The following KAT6A variants were observed in gnomAD, a reference collection of about 807,000 sequenced individuals.
The protein encoded by KAT6A is lysine acetyltransferase 6A.
KAT6A carries 9 observed loss-of-function variants against 198.4 expected under a neutral mutation model. The observed-to-expected ratio is 0.05, with a 90% CI of 0.03 to 0.08. KAT6A has a LOEUF of 0.08. Among genes scored for constraint, KAT6A ranks in the 10% least tolerant of loss-of-function variants. The probability of loss-of-function intolerance (pLI) is 1.00; values close to 1 mark genes in which losing one functional copy is unlikely to be tolerated. For synonymous variants in KAT6A, 890 were observed against 883.0 expected (o/e 1.01, Z -0.14); for missense variants, 2,077 against 2,509.9 (o/e 0.83, Z 3.69).
intron 15 of KAT6A, among the ~76,000 whole-genome samples, chr8:41,939,357 T>C (rs1270047384): frequency 6.6e-6 from 1 of 152,240 alleles, no homozygotes; most frequent in East Asian, 1.9e-4. Flanking sequence ...AATACCCTTA[T>C]ATTTGATACT....
chr8:41,957,020 T>G lies in KAT6A; in HGVS notation c.1483-1609A>C, dbSNP rs947845921. On this transcript the variant is annotated intron_variant, in intron 8 of 16. Transcript: ENST00000265713. ...CTAACTTCCTGAGGCAAGGATCAGATAGAAAGCCCAAAAGCTGAAGTCATG... is the reference window on the plus strand; with the variant it reads ...CTAACTTCCTGAGGCAAGGATCAGAGAGAAAGCCCAAAAGCTGAAGTCATG... 5 of 554,160 alleles carry G rather than the reference T, an allele frequency of 9.0e-6. No individual in the cohort carries two copies. The African/African-American group carries it at 9.4e-5, about 10-fold the overall frequency. 34.3% of individuals were successfully genotyped at this position (554,160 alleles called of 1,614,324 possible).
chr8:41,969,858 G>A lies in KAT6A; in HGVS notation c.1482+4846C>T, dbSNP rs528511716. Among the ~76,000 whole-genome samples, 6 of 152,100 alleles carry A rather than the reference G, an allele frequency of 3.9e-5. No homozygotes were observed. In the South Asian group the frequency reaches 6.2e-4, roughly 16 times the overall value. On this transcript the variant is annotated intron_variant, in intron 8 of 16. Coordinates refer to ENST00000265713, the MANE Select transcript of KAT6A (RefSeq NM_006766.5). ...ATCAACCTCTTTCACACCCTTAGAC[G>A]TTTACATAGGCAATCCACTTGTCTC...
At chr8:41,951,181 A>C (rs1039344104) in intron 9 of KAT6A, among the ~76,000 whole-genome samples, 3 of 152,064 alleles carry the variant, frequency 2.0e-5, no homozygotes, top group African/African-American at 2.4e-5. Flanking sequence ...AAAAAAAAAA[A>C]AACAAAACTT....
At chr8:41,998,644 C>A (rs1457274743) in intron 2 of KAT6A, among the ~76,000 whole-genome samples, 1 of 152,070 alleles carries the variant, frequency 6.6e-6, no homozygotes, top group Non-Finnish European at 1.5e-5. Flanking sequence ...TGCAATGAAA[C>A]CATGCTTAGC....
intron 9 of KAT6A, among the ~76,000 whole-genome samples, chr8:41,953,300 G>A (rs931438029): frequency 5.9e-5 from 9 of 152,144 alleles, no homozygotes; most frequent in Admixed American, 2.0e-4. Context: ...CAAGGGGCCT[G>A]TGGTTTCCAT....
At chr8:42,044,883 ATTCTT>A (rs1297881389) in intron 2 of KAT6A, among the ~76,000 whole-genome samples, 1 of 152,226 alleles carries the variant, frequency 6.6e-6, no homozygotes, top group Admixed American at 6.5e-5. Flanking sequence ...ACTCTGGATA[ATTCTT>A]TTCTTTTTTT....
At position 42,048,664 on chromosome 8, in the gene KAT6A, C is replaced by A. The variant is rs764240239; in HGVS notation, c.314G>T (p.Arg105Leu). 1 of 1,614,070 alleles carries A rather than the reference C, an allele frequency of 6.2e-7. No individual in the cohort carries two copies. The highest frequency in any genetic ancestry group is 1.7e-5 in the Admixed American group (1 of 60,010). ...QNVDWNKLIK[R>L]AVEGLAESGG... ...AGACTCTGCCAAGCCCTCAACTGCC[C>A]GCTTTATCAGTTTATTCCAATCCAC... The change falls in exon 2 of 17, where the codon CGG becomes CTG. Residue 105 changes from arginine (R) to leucine (L), a missense_variant. Physicochemically the swap from Arg to Leu is moderately radical, Grantham distance 102. Around this residue, in one of 13 missense-constraint regions of KAT6A, gnomAD observed 185 missense variants for 185.7 expected, o/e 1.00. Transcript: ENST00000265713.
chr8:42,007,381 C>G (rs915083881), intron 2 of KAT6A, among the ~76,000 whole-genome samples: 3 of 152,136 alleles, frequency 2.0e-5, no homozygotes, highest in East Asian at 1.9e-4. Context: ...ATGACTAGCT[C>G]TAAAGTCTCT....
chr8:41,942,027 T>TA (rs1822165183), intron 14 of KAT6A: 2 of 183,154 alleles, frequency 1.1e-5, no homozygotes, highest in Non-Finnish European at 2.3e-5. Context: ...TTTGAAAAAT[T>TA]AAACTGCACT....
chr8:42,045,203 T>C (rs1331399516), intron 2 of KAT6A, among the ~76,000 whole-genome samples: 1 of 152,220 alleles, frequency 6.6e-6, no homozygotes, highest in Non-Finnish European at 1.5e-5. Flanking sequence ...CCAATGAGAT[T>C]AGTACATATA....
chr8:42,000,788 T>C (rs1825460106), intron 2 of KAT6A, among the ~76,000 whole-genome samples: 1 of 152,158 alleles, frequency 6.6e-6, no homozygotes, highest in Admixed American at 6.5e-5. Context: ...AATCATGATG[T>C]TTGGAACTGA....
intron 2 of KAT6A, among the ~76,000 whole-genome samples, chr8:42,006,775 C>T (rs1825771498): frequency 6.6e-6 from 1 of 152,082 alleles, no homozygotes; most frequent in Non-Finnish European, 1.5e-5. Context: ...GTGGGCGGAT[C>T]ACCTGAGGTC....
At position 41,941,011 on chromosome 8, in the gene KAT6A, G is replaced by A. The variant is rs763986102; in HGVS notation, c.2870C>T (p.Ala957Val). Residue 957 changes from alanine to valine, a missense_variant, in exon 15 of 17, where the codon GCT (alanine) becomes GTT (valine). Transcript: ENST00000265713. Reference protein sequence around the residue: ...WRGQLKKSPEALKCRLTEGSE... With the variant: ...WRGQLKKSPEVLKCRLTEGSE... Reference sequence around the variant, plus strand: ...TCCTTCTGTTAATCTGCACTTCAGAGCCTCAGGGCTTTTCTTGAGCTGTCC... The same window carrying A: ...TCCTTCTGTTAATCTGCACTTCAGAACCTCAGGGCTTTTCTTGAGCTGTCC... The A allele has an allele frequency of 3.0e-5, 49 of 1,614,030 alleles. No individual in the cohort carries two copies. Among genetic ancestry groups the A allele is most frequent in the South Asian group, 1.6e-4 (15 of 91,084 alleles).
chr8:42,030,274 T>A (rs1203290344), intron 2 of KAT6A, among the ~76,000 whole-genome samples: 1 of 152,084 alleles, frequency 6.6e-6, no homozygotes, highest in Non-Finnish European at 1.5e-5. Flanking sequence ...GGAACACAGA[T>A]CACTGGGGAT....
At chr8:42,033,955 T>C (rs1417793949) in intron 2 of KAT6A, among the ~76,000 whole-genome samples, 1 of 152,128 alleles carries the variant, frequency 6.6e-6, no homozygotes, top group African/African-American at 2.4e-5. Context: ...TGTAAAATGG[T>C]CTATGATGCA....
intron 2 of KAT6A, among the ~76,000 whole-genome samples, chr8:42,000,559 A>C (rs777147462): frequency 1.3e-5 from 2 of 152,014 alleles, no homozygotes; most frequent in African/African-American, 2.4e-5. Flanking sequence ...TCAAAAAAAC[A>C]GAAGAAAAAA....
At chr8:41,960,319 C>T (rs1442039514) in intron 8 of KAT6A, among the ~76,000 whole-genome samples, 3 of 152,170 alleles carry the variant, frequency 2.0e-5, no homozygotes, top group Non-Finnish European at 4.4e-5. Flanking sequence ...GTGGCTCATG[C>T]CTGTAATCCC....
Position 41,932,131 on chromosome 8 carries a change from T to C in KAT6A, c.*74A>G. 2 of 1,260,770 alleles carry C rather than the reference T, an allele frequency of 1.6e-6. No homozygotes were observed. Among genetic ancestry groups the C allele is most frequent in the Non-Finnish European group, 1.0e-6 (1 of 981,556 alleles). 78.1% of individuals were successfully genotyped at this position (1,260,770 alleles called of 1,614,324 possible). Reference sequence around the variant, plus strand: ...TATTTTAACTGGAAAAAGGTCCATTTTTCTCTGGTTTGTCAGTATAAAAGG... The same window carrying C: ...TATTTTAACTGGAAAAAGGTCCATTCTTCTCTGGTTTGTCAGTATAAAAGG... On this transcript the variant is annotated 3_prime_UTR_variant, in exon 17 of 17. Transcript: ENST00000265713.
At chr8:42,005,796 A>T (rs1905238) in intron 2 of KAT6A, among the ~76,000 whole-genome samples, 22,632 of 148,810 alleles carry the variant, frequency 0.15, 2,048 homozygotes, top group East Asian at 0.25. Flanking sequence ...ACACACACAC[A>T]CACTCACTCT....
Sources: allele counts gnomAD v4.1 joint callset (sites outside exome capture counted in the v4.1 genomes callset), GRCh38; gene constraint gnomAD v4.1.1; regional missense constraint gnomAD v4.1.1; transcripts MANE v1.5; gene names NCBI Gene and HGNC (gene_info 2026-07-23, HGNC 2026-07-21).